The following WSCD2 variants were observed in gnomAD, a reference collection of about 807,000 sequenced individuals.
WSCD2 encodes the protein WSC domain sialate O sulfotransferase 2.
WSCD2 carries 28 observed loss-of-function variants against 55.7 expected under a neutral mutation model. The ratio of observed to expected loss-of-function variants is 0.50; its 90% CI spans 0.37 to 0.69. WSCD2 has a LOEUF of 0.69. Among genes scored for constraint, WSCD2 ranks in the 30% least tolerant of loss-of-function variants. The pLI is 0.00. For missense variants in WSCD2, 616 were observed against 762.1 expected (o/e 0.81, Z 2.26); for synonymous variants, 301 against 301.9 (o/e 1.00, Z 0.03).
intron 1 of WSCD2, among the ~76,000 whole-genome samples, chr12:108,147,359 T>C (rs1877497619): frequency 6.6e-6 from 1 of 152,098 alleles, no homozygotes; most frequent in African/African-American, 2.4e-5. Context: ...CATGTCATGG[T>C]AGGCCTTTGG....
chr12:108,145,299 G>T (rs572079577), intron 1 of WSCD2, among the ~76,000 whole-genome samples: 1 of 152,234 alleles, frequency 6.6e-6, no homozygotes, highest in African/African-American at 2.4e-5. Context: ...GGCTCCCCTT[G>T]GCATGTGCTC....
At chr12:108,236,249 A>C (rs923037023) in intron 7 of WSCD2, among the ~76,000 whole-genome samples, 1 of 152,164 alleles carries the variant, frequency 6.6e-6, no homozygotes. Context: ...CTCTGTGAGA[A>C]GCATGTATCA....
rs112069910 is a variant in WSCD2, at chr12:108,223,982, T to G, written c.683-757T>G. ...TTCTGTCTGGTCCTGCCTCCCGCTT[T>G]CTTTCTCTGAGAGCACACCTTCAAT... On this transcript the variant is annotated intron_variant, in intron 4 of 8. Coordinates refer to ENST00000547525, the MANE Select transcript of WSCD2 (RefSeq NM_014653.4). Among the ~76,000 whole-genome samples, 665 of 152,322 alleles carry G rather than the reference T, an allele frequency of 4.4e-3. 4 individuals are homozygous for G. The highest frequency in any genetic ancestry group is 0.014 in the African/African-American group (580 of 41,568).
chr12:108,188,034 T>C (rs906017398), intron 1 of WSCD2, among the ~76,000 whole-genome samples: 1 of 152,206 alleles, frequency 6.6e-6, no homozygotes, highest in African/African-American at 2.4e-5. Flanking sequence ...ACGGACACCA[T>C]ATGCTCCCTC....
rs78598169 is a variant in WSCD2 at position 108,225,655 on chromosome 12, C to T, written c.804+795C>T. On this transcript the variant is annotated intron_variant, in intron 5 of 8. Transcript: ENST00000547525. ...GCACTTGGGTTGGATGATCTTTCTT[C>T]GGCCTAAGGAGCTAGATGTCTGACT... Among the ~76,000 whole-genome samples, 600 of 152,244 alleles carry T rather than the reference C, an allele frequency of 3.9e-3. 3 individuals are homozygous for T. Among genetic ancestry groups the T allele is most frequent in the African/African-American group, 0.014 (571 of 41,530 alleles).
chr12:108,150,844 C>T (rs1013448111), intron 1 of WSCD2, among the ~76,000 whole-genome samples: 6 of 152,244 alleles, frequency 3.9e-5, no homozygotes, highest in East Asian at 1.9e-4. Flanking sequence ...CAGACCTCTG[C>T]GAGAAGCTCT....
At chr12:108,137,076 C>G (rs73197645) in intron 1 of WSCD2, among the ~76,000 whole-genome samples, 8,097 of 152,274 alleles carry the variant, frequency 0.053, 265 homozygotes, top group Non-Finnish European at 0.076. Flanking sequence ...GTGGATCACC[C>G]ACATTTCTTC....
chr12:108,195,569 C>G lies in WSCD2; in HGVS notation c.-264C>G. The G allele has an allele frequency of 2.0e-6, 1 of 511,064 alleles. No individual in the cohort carries two copies. The highest frequency in any genetic ancestry group is 3.6e-5 in the Admixed American group (1 of 27,966). 31.7% of individuals were successfully genotyped at this position (511,064 alleles called of 1,614,324 possible). A position where few individuals can be genotyped will look rare whatever the true frequency, so the allele number is the denominator to read the frequency against. ...AAAATGGGACCAACTTATGTGTGTT[C>G]TGAGCCTCAAAACCCCCTTGTTGGC... On this transcript the variant is annotated 5_prime_UTR_variant, in exon 2 of 9. Transcript: ENST00000547525.
intron 1 of WSCD2, among the ~76,000 whole-genome samples, chr12:108,194,840 G>T (rs1829619556): frequency 6.6e-6 from 1 of 152,080 alleles, no homozygotes; most frequent in Non-Finnish European, 1.5e-5. Flanking sequence ...CTGAGTGTTT[G>T]TTGGGAAAAA....
At chr12:108,193,765 G>C (rs1883521837) in intron 1 of WSCD2, among the ~76,000 whole-genome samples, 1 of 152,210 alleles carries the variant, frequency 6.6e-6, no homozygotes. Context: ...CTGGATGACA[G>C]ACGGATGGAT....
At chr12:108,232,107 G>A (rs1565990149) in intron 6 of WSCD2, among the ~76,000 whole-genome samples, 1 of 152,230 alleles carries the variant, frequency 6.6e-6, no homozygotes, top group Non-Finnish European at 1.5e-5. Context: ...GCATGTGGTG[G>A]AGTGGATTAG....
At chr12:108,174,645 T>C (rs541904601) in intron 1 of WSCD2, among the ~76,000 whole-genome samples, 4 of 152,178 alleles carry the variant, frequency 2.6e-5, no homozygotes, top group Non-Finnish European at 4.4e-5. Flanking sequence ...GATAGGGTCT[T>C]TCTCTGTTGC....
intron 1 of WSCD2, among the ~76,000 whole-genome samples, chr12:108,163,408 TC>T (rs1426536083): frequency 2.2e-4 from 34 of 152,160 alleles, no homozygotes; most frequent in Non-Finnish European, 3.7e-4. Flanking sequence ...AAAGAAAAAG[TC>T]TATACCATTC....
Position 108,210,326 on chromosome 12 carries a change from C to T in WSCD2, c.682+21C>T, listed in dbSNP as rs751484861. ...CAGGTGTACGTGAGTCTGCCCTGCC[C>T]CTCTCTGCTGCTCCTCCCTCAGCTG... On this transcript the variant is annotated intron_variant, in intron 4 of 8. Transcript: ENST00000547525. The surrounding 1 kb of genome is among the most constrained non-coding windows in gnomAD (Gnocchi z 4.3). 32 of 1,547,706 alleles carry T rather than the reference C, an allele frequency of 2.1e-5. No individual in the cohort carries two copies. The highest frequency in any genetic ancestry group is 2.7e-5 in the Non-Finnish European group (31 of 1,151,404).
chr12:108,209,624 T>G (rs1006171613), intron 3 of WSCD2, among the ~76,000 whole-genome samples: 5 of 151,850 alleles, frequency 3.3e-5, no homozygotes, highest in Non-Finnish European at 7.4e-5. Flanking sequence ...TCCCTGGGTC[T>G]CTATGTCCTC....
chr12:108,148,259 C>A (rs1877609015), intron 1 of WSCD2, among the ~76,000 whole-genome samples: 1 of 152,220 alleles, frequency 6.6e-6, no homozygotes, highest in Admixed American at 6.5e-5. Context: ...GCCGAACACC[C>A]CCTGAGGTGG....
At chr12:108,211,502 C>T (rs1359952277) in intron 4 of WSCD2, among the ~76,000 whole-genome samples, 2 of 151,968 alleles carry the variant, frequency 1.3e-5, no homozygotes, top group Admixed American at 1.3e-4. Context: ...GTCCTGCCCA[C>T]CCGGGTGGCT....
At chr12:108,176,818 T>G (rs1167028298) in intron 1 of WSCD2, among the ~76,000 whole-genome samples, 1 of 152,210 alleles carries the variant, frequency 6.6e-6, no homozygotes, top group East Asian at 1.9e-4. Context: ...GTTTTTGTTT[T>G]TTTTTATTTG....
At position 108,240,516 on chromosome 12, in the gene WSCD2, T is replaced by C; in HGVS notation, c.1317T>C (p.Phe439=). The C allele has an allele frequency of 7.0e-7, 1 of 1,426,916 alleles. No homozygotes were observed. Among genetic ancestry groups the C allele is most frequent in the East Asian group, 3.7e-5 (1 of 27,044 alleles). 88.4% of individuals were successfully genotyped at this position (1,426,916 alleles called of 1,614,324 possible). The part of the protein sequence containing the change: ...FNRKYGGHIG[F]AAHAHWKGKE... Reference sequence around the variant, plus strand: ...GCAAGTACGGCGGCCACATAGGCTTTGCTGCGCATGCCCACTGGAAGGGCA... The same window carrying C: ...GCAAGTACGGCGGCCACATAGGCTTCGCTGCGCATGCCCACTGGAAGGGCA... Residue 439 remains phenylalanine, a synonymous_variant, in exon 8 of 9, where the codon TTT becomes TTC. Transcript: ENST00000547525.
Sources: allele counts gnomAD v4.1 joint callset (sites outside exome capture counted in the v4.1 genomes callset), GRCh38; gene constraint gnomAD v4.1.1; non-coding constraint Gnocchi (gnomAD v3.1); transcripts MANE v1.5; gene names NCBI Gene and HGNC (gene_info 2026-07-23, HGNC 2026-07-21).